Variants in ARHGEF10L observed in about 807,000 individuals in gnomAD.
ARHGEF10L encodes the protein rho guanine nucleotide exchange factor 10-like protein.
Under a neutral mutation model 141.2 loss-of-function variants are expected in ARHGEF10L, and 69 were observed. That is an observed-to-expected ratio of 0.49 (90% CI 0.40 to 0.60). ARHGEF10L has a LOEUF of 0.60. Ranked by LOEUF, ARHGEF10L falls within the 20% of genes least tolerant of loss-of-function variation. ARHGEF10L has a pLI of 0.00. For synonymous variants in ARHGEF10L, 711 were observed against 718.5 expected (o/e 0.99, Z 0.17); for missense variants, 1,482 against 1,734.3 (o/e 0.85, Z 2.58).
intron 26 of ARHGEF10L, among the ~76,000 whole-genome samples, chr1:17,684,587 T>A (rs529729439): frequency 4.6e-5 from 7 of 152,126 alleles, no homozygotes; most frequent in Non-Finnish European, 8.8e-5. Flanking sequence ...GCCCCCAATC[T>A]GAGACAGGAG....
intron 1 of ARHGEF10L, among the ~76,000 whole-genome samples, chr1:17,572,519 C>T (rs565085356): frequency 4.3e-4 from 65 of 152,294 alleles, no homozygotes; most frequent in Non-Finnish European, 8.4e-4. Context: ...CCCCCTTTTA[C>T]TTACAAAGCT....
Position 17,673,936 on chromosome 1 carries a change from G to A in ARHGEF10L, c.3009+9341G>A, listed in dbSNP as rs2063483624. 1.3e-5 allele frequency among the ~76,000 whole-genome samples: 2 copies of A among 152,090 alleles called. No individual in the cohort carries two copies. The highest frequency in any genetic ancestry group is 4.8e-5 in the African/African-American group (2 of 41,334). ...GGTGACTGGGACCACACACTCGTTG[G>A]TGGAGCCAGGATCTCAGGGTGCCTC... is the stretch of plus-strand genomic sequence containing the variant. On this transcript the variant is annotated intron_variant, in intron 26 of 28. Coordinates refer to ENST00000361221, the MANE Select transcript of ARHGEF10L (RefSeq NM_018125.4). This position sits in a 1 kb window ranked among gnomAD's most constrained non-coding sequence, Gnocchi z 4.1.
chr1:17,599,647 C>T (rs1342711059), intron 4 of ARHGEF10L, among the ~76,000 whole-genome samples: 1 of 152,176 alleles, frequency 6.6e-6, no homozygotes, highest in Non-Finnish European at 1.5e-5. Context: ...CCATCACCCA[C>T]CTTCCTGGTC....
At chr1:17,614,261 A>G (rs1194276618) in intron 8 of ARHGEF10L, among the ~76,000 whole-genome samples, 1 of 152,182 alleles carries the variant, frequency 6.6e-6, no homozygotes, top group African/African-American at 2.4e-5. Flanking sequence ...GATACCCGCG[A>G]GAGGCCTGCA....
At chr1:17,665,855 G>T (rs1017029528) in intron 26 of ARHGEF10L, among the ~76,000 whole-genome samples, 1 of 152,192 alleles carries the variant, frequency 6.6e-6, no homozygotes, top group Non-Finnish European at 1.5e-5. Context: ...TCTGTGGACA[G>T]CAAGCTGGAG....
Position 17,639,120 on chromosome 1 carries a change from C to A in ARHGEF10L, c.2171+431C>A, listed in dbSNP as rs1272785940. ...AGGAGCTGTGCACAGTAGACCCCAA[C>A]TGAGGTTTGTGGAACTGATGACAGC... On this transcript the variant is annotated intron_variant, in intron 20 of 28. Coordinates refer to ENST00000361221, the MANE Select transcript of ARHGEF10L (RefSeq NM_018125.4). This position sits in a 1 kb window ranked among gnomAD's most constrained non-coding sequence, Gnocchi z 4.3. 6.6e-6 allele frequency among the ~76,000 whole-genome samples: 1 copy of A among 152,244 alleles called. No homozygotes were observed. The highest frequency in any genetic ancestry group is 2.4e-5 in the African/African-American group (1 of 41,472).
intron 1 of ARHGEF10L, among the ~76,000 whole-genome samples, chr1:17,575,301 T>C (rs2078175928): frequency 6.6e-6 from 1 of 152,208 alleles, no homozygotes; most frequent in South Asian, 2.1e-4. Flanking sequence ...TGAATCAGAA[T>C]CTCTGGGTGT....
At chr1:17,588,613 C>A (rs1369635713) in intron 4 of ARHGEF10L, 134 bp downstream of exon 4, 2 of 1,080,020 alleles carry the variant, frequency 1.9e-6, no homozygotes, top group African/African-American at 3.1e-5. Flanking sequence ...TTCACTGAGG[C>A]CCTGTGCCCT....
chr1:17,528,471 C>A, the ARHGEF10L span, among the ~76,000 whole-genome samples: 1 of 152,250 alleles, frequency 6.6e-6, no homozygotes, highest in South Asian at 2.1e-4. Flanking sequence ...CCCACCTCGA[C>A]CTCTTAAAGT....
intron 4 of ARHGEF10L, among the ~76,000 whole-genome samples, chr1:17,599,204 C>T (rs1465615499): frequency 1.3e-5 from 2 of 151,964 alleles, no homozygotes; most frequent in Admixed American, 1.3e-4. Flanking sequence ...GGCATAGTGG[C>T]GCGTGCCTGT....
chr1:17,662,296 A>C (rs1486974249), intron 25 of ARHGEF10L, among the ~76,000 whole-genome samples: 1 of 152,172 alleles, frequency 6.6e-6, no homozygotes, highest in Non-Finnish European at 1.5e-5. Context: ...CAAGACCCTG[A>C]CTGTGTGCCC....
intron 1 of ARHGEF10L, among the ~76,000 whole-genome samples, chr1:17,574,804 C>T (rs1369125898): frequency 6.6e-6 from 1 of 152,206 alleles, no homozygotes; most frequent in African/African-American, 2.4e-5. Context: ...GTGGGGGAGC[C>T]GTGGGCCCTC....
intron 3 of ARHGEF10L, among the ~76,000 whole-genome samples, chr1:17,588,231 G>A (rs6676537): frequency 1.3e-5 from 2 of 151,582 alleles, no homozygotes; most frequent in African/African-American, 4.9e-5. Context: ...GAGTTGGGAA[G>A]TGGGCCACGG....
At chr1:17,532,702 C>T in the ARHGEF10L span, among the ~76,000 whole-genome samples, 1 of 150,172 alleles carries the variant, frequency 6.7e-6, no homozygotes, top group Non-Finnish European at 1.5e-5. Context: ...TCAAGCTATT[C>T]TCCTGCCTCA....
At chr1:17,694,473 C>T (rs2065342838) in intron 27 of ARHGEF10L, 4 of 182,084 alleles carry the variant, frequency 2.2e-5, no homozygotes, top group Admixed American at 2.2e-4. Flanking sequence ...CCCACGCCCT[C>T]TCTGACATTG....
chr1:17,614,616 A>G (rs934997311), intron 8 of ARHGEF10L, among the ~76,000 whole-genome samples: 2 of 151,998 alleles, frequency 1.3e-5, no homozygotes, highest in Non-Finnish European at 2.9e-5. Context: ...CCACCCCCCA[A>G]CAAGAAGAAG....
intron 9 of ARHGEF10L, chr1:17,618,263 C>CCCCCCCCCCAA: frequency 1.6e-6 from 2 of 1,286,168 alleles, no homozygotes; most frequent in Non-Finnish European, 2.1e-6. Context: ...GCCCTCCCCA[C>CCCCCCCCCCAA]CCCGCCCACA....
intron 20 of ARHGEF10L, 141 bp downstream of exon 20, chr1:17,638,830 T>C: frequency 7.9e-7 from 1 of 1,268,120 alleles, no homozygotes; most frequent in Non-Finnish European, 1.1e-6. Context: ...TCGTGGGCCA[T>C]GTCTGGGATA....
intron 27 of ARHGEF10L, among the ~76,000 whole-genome samples, chr1:17,689,253 C>T (rs900143321): frequency 7.9e-5 from 12 of 151,932 alleles, no homozygotes; most frequent in Non-Finnish European, 1.3e-4. Flanking sequence ...CTTAATCTCC[C>T]GGAGCCCCTC....
Sources: allele counts gnomAD v4.1 joint callset (sites outside exome capture counted in the v4.1 genomes callset), GRCh38; gene constraint gnomAD v4.1.1; non-coding constraint Gnocchi (gnomAD v3.1); transcripts MANE v1.5; gene names NCBI Gene and HGNC (gene_info 2026-07-23, HGNC 2026-07-21).